DCAF8L2: variants seen among roughly 807,000 people sequenced by gnomAD.
The protein encoded by DCAF8L2 is DDB1- and CUL4-associated factor 8-like protein 2.
For missense variants in DCAF8L2, 430 were observed against 490.7 expected, an observed-to-expected ratio of 0.88 and a Z score of 1.17; for synonymous variants, 200 against 190.9, an observed-to-expected ratio of 1.05 and a Z score of -0.39.
the DCAF8L2 span, among the ~76,000 whole-genome samples, chrX:27,584,081 A>G: frequency 9.0e-6 from 1 of 111,680 alleles, no homozygotes; most frequent in Non-Finnish European, 1.9e-5. Flanking sequence ...CAGATTTATG[A>G]TTACCAACTT....
the DCAF8L2 span, among the ~76,000 whole-genome samples, chrX:27,563,354 T>G: frequency 0.094 from 10,495 of 112,152 alleles, 387 homozygotes; most frequent in Non-Finnish European, 0.12. Flanking sequence ...TAATAACTCT[T>G]GTCTGTGACA....
the DCAF8L2 span, among the ~76,000 whole-genome samples, chrX:27,506,749 C>T: frequency 5.4e-5 from 6 of 111,160 alleles, no homozygotes; most frequent in African/African-American, 9.8e-5. Context: ...AGTGCAGTGG[C>T]GCAATCTTGG....
the DCAF8L2 span, among the ~76,000 whole-genome samples, chrX:27,533,167 A>G: frequency 5.1e-3 from 53 of 10,336 alleles, 2 homozygotes; most frequent in Non-Finnish European, 0.013. Flanking sequence ...AGAGAGAGAG[A>G]AAGAAAGAAA....
At chrX:27,479,242 A>G in the DCAF8L2 span, among the ~76,000 whole-genome samples, 8 of 110,953 alleles carry the variant, frequency 7.2e-5, no homozygotes, top group African/African-American at 2.6e-4. Context: ...CTCCTGAGGA[A>G]CTGCATCCTG....
chrX:27,558,252 T>C, the DCAF8L2 span, among the ~76,000 whole-genome samples: 1 of 112,110 alleles, frequency 8.9e-6, no homozygotes, highest in Admixed American at 9.5e-5. Flanking sequence ...GCTACCACTG[T>C]AGAAGCAGCC....
intron 3 of DCAF8L2, among the ~76,000 whole-genome samples, chrX:27,693,459 C>T (rs1237385032): frequency 9.0e-6 from 1 of 111,518 alleles, no homozygotes; most frequent in Non-Finnish European, 1.9e-5. Flanking sequence ...CTTCTATCCC[C>T]TCCTATTTTA....
chrX:27,745,808 CTG>C (rs1284649289), intron 4 of DCAF8L2, among the ~76,000 whole-genome samples: 2 of 111,868 alleles, frequency 1.8e-5, no homozygotes, highest in African/African-American at 6.5e-5. Flanking sequence ...TGCCAATTAA[CTG>C]TCTCTGTAGA....
intron 2 of DCAF8L2, among the ~76,000 whole-genome samples, chrX:27,635,224 A>G (rs1928452437): frequency 9.0e-6 from 1 of 111,682 alleles, no homozygotes; most frequent in African/African-American, 3.3e-5. Context: ...GAGTGGAGAT[A>G]CTTTTACTTA....
At chrX:27,711,506 T>C (rs1345752766) in intron 3 of DCAF8L2, among the ~76,000 whole-genome samples, 1 of 108,523 alleles carries the variant, frequency 9.2e-6, no homozygotes, top group Non-Finnish European at 1.9e-5. Context: ...CACACAAAAG[T>C]AACTATGTGA....
the DCAF8L2 span, among the ~76,000 whole-genome samples, chrX:27,556,710 G>C: frequency 0.098 from 10,965 of 111,458 alleles, 415 homozygotes; most frequent in Non-Finnish European, 0.12. Context: ...AGTGTATAAA[G>C]CTTAGAAATC....
At chrX:27,635,905 G>A (rs758414088) in intron 2 of DCAF8L2, among the ~76,000 whole-genome samples, 4 of 108,051 alleles carry the variant, frequency 3.7e-5, no homozygotes, top group East Asian at 2.9e-4. Context: ...TCCGCCTCCC[G>A]GGTTCAAGCG....
At chrX:27,726,860 T>C (rs1270356566) in intron 4 of DCAF8L2, among the ~76,000 whole-genome samples, 1 of 112,082 alleles carries the variant, frequency 8.9e-6, no homozygotes, top group African/African-American at 3.2e-5. Context: ...TCATGAATAA[T>C]GATTGTATGA....
At chrX:27,536,643 A>G in the DCAF8L2 span, among the ~76,000 whole-genome samples, 1 of 77,492 alleles carries the variant, frequency 1.3e-5, no homozygotes, top group Non-Finnish European at 3.0e-5. Context: ...AAAAGGAAAA[A>G]TAGGAAAAAA....
At chrX:27,514,668 C>CAAAAAAAAAAAAAA in the DCAF8L2 span, among the ~76,000 whole-genome samples, 4 of 2,519 alleles carry the variant, frequency 1.6e-3, no homozygotes, top group Non-Finnish European at 3.0e-3. Context: ...GACTCCGTCT[C>CAAAAAAAAAAAAAA]AAAAAAAAAA....
At chrX:27,470,443 T>C in the DCAF8L2 span, among the ~76,000 whole-genome samples, 2 of 112,341 alleles carry the variant, frequency 1.8e-5, no homozygotes, top group Admixed American at 1.9e-4. Flanking sequence ...TGCTTAGTTC[T>C]GATTGATTGA....
At chrX:27,743,651 T>C (rs1478188871) in intron 4 of DCAF8L2, among the ~76,000 whole-genome samples, 1 of 109,263 alleles carries the variant, frequency 9.2e-6, no homozygotes, top group East Asian at 2.9e-4. Context: ...TACCTCAGCC[T>C]CCCAAAGTCC....
chrX:27,743,151 G>A (rs1921957061), intron 4 of DCAF8L2, among the ~76,000 whole-genome samples: 1 of 106,103 alleles, frequency 9.4e-6, no homozygotes, highest in African/African-American at 3.5e-5. Flanking sequence ...GCATAAATAC[G>A]GCTCACTGCA....
chrX:27,581,552 A>G, the DCAF8L2 span, among the ~76,000 whole-genome samples: 1 of 107,976 alleles, frequency 9.3e-6, no homozygotes, highest in East Asian at 2.9e-4. Context: ...CATTTGTTCT[A>G]TTAGTTTTCT....
chrX:27,574,935 T>TA, the DCAF8L2 span, among the ~76,000 whole-genome samples: 1 of 111,884 alleles, frequency 8.9e-6, no homozygotes, highest in East Asian at 2.8e-4. Context: ...GCAGCTCAGT[T>TA]AGACCCTCTA....
Sources: allele counts gnomAD v4.1 joint callset (sites outside exome capture counted in the v4.1 genomes callset), GRCh38; gene constraint gnomAD v4.1.1; transcripts MANE v1.5; gene names NCBI Gene and HGNC (gene_info 2026-07-23, HGNC 2026-07-21).